Variants in SSH2 observed in about 807,000 individuals in gnomAD.
SSH2 encodes slingshot protein phosphatase 2, also known as protein phosphatase Slingshot homolog 2.
Under a neutral mutation model 135.2 loss-of-function variants are expected in SSH2, and 37 were observed. The observed-to-expected ratio is 0.27, with a 90% CI of 0.21 to 0.36. The LOEUF (loss-of-function observed/expected upper bound fraction) is 0.36, where lower values mean the gene tolerates loss of function less well. Among genes scored for constraint, SSH2 ranks in the 10% least tolerant of loss-of-function variants. The pLI is 1.00. For synonymous variants in SSH2, 628 were observed against 646.2 expected, an observed-to-expected ratio of 0.97 and a Z score of 0.43; for missense variants, 1,408 against 1,765.3, an observed-to-expected ratio of 0.80 and a Z score of 3.63.
intron 5 of SSH2, among the ~76,000 whole-genome samples, chr17:29,686,451 T>A (rs1321010072): frequency 1.3e-5 from 2 of 150,514 alleles, no homozygotes; most frequent in Non-Finnish European, 3.0e-5. Context: ...AACCTCCACC[T>A]CCCAGGTTCA....
chr17:29,632,990 G>A (rs2035752246), intron 15 of SSH2, 59 bp from the exon 16 acceptor site: 1 of 1,438,072 alleles, frequency 7.0e-7, no homozygotes, highest in Admixed American at 2.1e-5. Flanking sequence ...GAAAATGCTG[G>A]ATTTTCTGCT....
At chr17:29,663,934 T>A (rs141366419) in intron 11 of SSH2, among the ~76,000 whole-genome samples, 6 of 152,356 alleles carry the variant, frequency 3.9e-5, no homozygotes, top group African/African-American at 9.6e-5. Context: ...GGGGAAACTA[T>A]GCATGTGTTG....
intron 5 of SSH2, among the ~76,000 whole-genome samples, chr17:29,685,032 G>A (rs895035450): frequency 6.6e-6 from 1 of 152,134 alleles, no homozygotes; most frequent in African/African-American, 2.4e-5. Context: ...GACTGAAGAG[G>A]GAAATGTGAG....
Position 29,930,210 on chromosome 17 carries a change from C to G in SSH2, c.-210G>C, listed in dbSNP as rs8071113. On this transcript the variant is annotated 5_prime_UTR_variant, in exon 1 of 16. Coordinates refer to ENST00000540801, the MANE Select transcript of SSH2 (RefSeq NM_001282129.2). ...CGAACGGGCGGCGGGCGGGCGGTTCCGCAGCTGCGGGGCACAATGAGCGCT... is the reference window on the plus strand; with the variant it reads ...CGAACGGGCGGCGGGCGGGCGGTTCGGCAGCTGCGGGGCACAATGAGCGCT... The G allele has an allele frequency of 0.99, 549,454 of 552,566 alleles. 273,181 individuals are homozygous for G. The highest frequency in any genetic ancestry group is 1 in the East Asian group (32,315 of 32,316). 34.2% of individuals were successfully genotyped at this position (552,566 alleles called of 1,614,324 possible). A position where few individuals can be genotyped will look rare whatever the true frequency, so the allele number is the denominator to read the frequency against.
intron 12 of SSH2, among the ~76,000 whole-genome samples, chr17:29,654,445 A>T (rs1022896606): frequency 6.6e-6 from 1 of 152,170 alleles, no homozygotes; most frequent in South Asian, 2.1e-4. Context: ...GTGGGGAAAA[A>T]GTAGGGAGTA....
chr17:29,830,896 G>A (rs1331568876), intron 2 of SSH2, among the ~76,000 whole-genome samples: 1 of 152,210 alleles, frequency 6.6e-6, no homozygotes, highest in Non-Finnish European at 1.5e-5. Context: ...CCACAAATGG[G>A]AAAGGAAATG....
At chr17:29,785,491 A>ATTTTTTTTTTTT in intron 3 of SSH2, among the ~76,000 whole-genome samples, 1 of 78,490 alleles carries the variant, frequency 1.3e-5, no homozygotes, top group African/African-American at 5.3e-5. Flanking sequence ...TTGGCGTTTC[A>ATTTTTTTTTTTT]TTTTTTTTTT....
intron 1 of SSH2, among the ~76,000 whole-genome samples, chr17:29,926,666 G>A (rs754559695): frequency 2.5e-4 from 38 of 152,038 alleles, no homozygotes; most frequent in Admixed American, 3.9e-4. Context: ...CCCAAGCTCA[G>A]TAGTCCCTGT....
At position 29,823,998 on chromosome 17, in the gene SSH2, A is replaced by AT. The variant is rs1265285811; in HGVS notation, c.144+24850dup. On this transcript the variant is annotated intron_variant, in intron 2 of 15. Coordinates refer to ENST00000540801, the MANE Select transcript of SSH2 (RefSeq NM_001282129.2). ...AATTGCTACAGAAGAAAGGTGTTTT[A>AT]TTTTTTAGTGCTTAAATTACAAATA... Among the ~76,000 whole-genome samples, 6 of 151,626 alleles carry AT rather than the reference A, an allele frequency of 4.0e-5. No individual in the cohort carries two copies. In the East Asian group the frequency reaches 9.7e-4, roughly 25 times the overall value.
At chr17:29,691,426 T>A (rs993687110) in intron 5 of SSH2, among the ~76,000 whole-genome samples, 1 of 152,206 alleles carries the variant, frequency 6.6e-6, no homozygotes, top group Admixed American at 6.5e-5. Flanking sequence ...CTACAGTTAA[T>A]GCTTGATGCC....
chr17:29,828,480 T>G (rs1267801063), intron 2 of SSH2, among the ~76,000 whole-genome samples: 1 of 152,162 alleles, frequency 6.6e-6, no homozygotes, highest in Non-Finnish European at 1.5e-5. Context: ...GAAATGTGTG[T>G]TTTAGAGAAA....
chr17:29,669,336 G>C (rs2037399726), intron 9 of SSH2, among the ~76,000 whole-genome samples: 1 of 152,126 alleles, frequency 6.6e-6, no homozygotes, highest in Non-Finnish European at 1.5e-5. Context: ...GAAGTGCTGG[G>C]CATAACACCA....
At chr17:29,743,611 G>A (rs930665933) in intron 3 of SSH2, among the ~76,000 whole-genome samples, 5 of 152,056 alleles carry the variant, frequency 3.3e-5, no homozygotes, top group East Asian at 1.9e-4. Context: ...AATAAGCCCC[G>A]GCACACTAAT....
At chr17:29,820,156 G>A (rs542388550) in intron 2 of SSH2, among the ~76,000 whole-genome samples, 2 of 152,178 alleles carry the variant, frequency 1.3e-5, no homozygotes, top group East Asian at 1.9e-4. Context: ...CCAAAGGCAC[G>A]GTTCTTGTCC....
At chr17:29,746,384 A>G (rs1281715767) in intron 3 of SSH2, among the ~76,000 whole-genome samples, 3 of 148,158 alleles carry the variant, frequency 2.0e-5, no homozygotes, top group South Asian at 2.1e-4. Flanking sequence ...CGCCTCTACT[A>G]AAAAAAAACA....
At chr17:29,732,540 C>T (rs142544026) in intron 3 of SSH2, among the ~76,000 whole-genome samples, 4 of 152,234 alleles carry the variant, frequency 2.6e-5, no homozygotes, top group African/African-American at 9.6e-5. Flanking sequence ...AGCATTTCAG[C>T]CTATAAGCAG....
rs536033162 is a variant in SSH2 at position 29,794,651 on chromosome 17, C to A, written c.145-714G>T. On this transcript the variant is annotated intron_variant, in intron 2 of 15. Coordinates refer to ENST00000540801, the MANE Select transcript of SSH2 (RefSeq NM_001282129.2). ...CATAGTTCAATTACAATATTTATTTCTTCTTAGTGTGGCACATAAAATAAT... is the reference window on the plus strand; with the variant it reads ...CATAGTTCAATTACAATATTTATTTATTCTTAGTGTGGCACATAAAATAAT... Among the ~76,000 whole-genome samples the A allele has an allele frequency of 1.6e-3, 236 of 152,248 alleles. 10 individuals carry two copies. The South Asian group carries it at 0.046, about 30-fold the overall frequency.
chr17:29,739,605 A>C (rs1204113640), intron 3 of SSH2, among the ~76,000 whole-genome samples: 1 of 152,252 alleles, frequency 6.6e-6, no homozygotes, highest in African/African-American at 2.4e-5. Context: ...AGTAAAAGCC[A>C]ATTTAATTAA....
chr17:29,677,014 T>G lies in SSH2; in HGVS notation c.549-129A>C, dbSNP rs575816051. On this transcript the variant is annotated intron_variant, in intron 7 of 15. Coordinates refer to ENST00000540801, the MANE Select transcript of SSH2 (RefSeq NM_001282129.2). Reference sequence around the variant, plus strand: ...AGAGGGAATCATCAGGCATTTCACGTAGAAGTTTTAACTAGAGTGTAAGAC... The same window carrying G: ...AGAGGGAATCATCAGGCATTTCACGGAGAAGTTTTAACTAGAGTGTAAGAC... 4.1e-6 allele frequency: 3 copies of G among 727,830 alleles called. No individual in the cohort carries two copies. The African/African-American group carries it at 5.3e-5, about 13-fold the overall frequency. The allele number at this position is 727,830 out of a possible 1,614,324, so 45.1% of individuals were successfully genotyped here.
Sources: allele counts gnomAD v4.1 joint callset (sites outside exome capture counted in the v4.1 genomes callset), GRCh38; gene constraint gnomAD v4.1.1; transcripts MANE v1.5; gene names NCBI Gene and HGNC (gene_info 2026-07-23, HGNC 2026-07-21).